IL34: variants seen among roughly 807,000 people sequenced by gnomAD.
IL34 encodes interleukin-34.
IL34 carries 17 observed loss-of-function variants against 25.3 expected under a neutral mutation model. The observed-to-expected ratio is 0.67, with a 90% CI of 0.46 to 1.01. IL34 has a LOEUF of 1.01. Ranked by LOEUF, IL34 falls within the 50% of genes least tolerant of loss-of-function variation. The pLI is 0.00. For missense variants in IL34, 368 were observed against 312.9 expected, an observed-to-expected ratio of 1.18 and a Z score of -1.33; for synonymous variants, 174 against 140.9, an observed-to-expected ratio of 1.23 and a Z score of -1.66.
chr16:70,659,268 T>A (rs1387725724), intron 4 of IL34, among the ~76,000 whole-genome samples: 1 of 152,250 alleles, frequency 6.6e-6, no homozygotes, highest in Non-Finnish European at 1.5e-5. Flanking sequence ...TGTCTGCTTC[T>A]TGAGGGACAG....
At chr16:70,598,164 A>T (rs568657094) in intron 1 of IL34, among the ~76,000 whole-genome samples, 1 of 152,138 alleles carries the variant, frequency 6.6e-6, no homozygotes, top group South Asian at 2.1e-4. Context: ...AGTTCCTTAA[A>T]GGGTCTGAGA....
intron 1 of IL34, among the ~76,000 whole-genome samples, chr16:70,602,641 G>T (rs934363336): frequency 6.6e-6 from 1 of 150,952 alleles, no homozygotes; most frequent in Non-Finnish European, 1.5e-5. Flanking sequence ...TGGGCGAGGG[G>T]TGGTAGCCAT....
At chr16:70,609,117 G>A (rs565258351) in intron 1 of IL34, among the ~76,000 whole-genome samples, 4 of 151,504 alleles carry the variant, frequency 2.6e-5, no homozygotes, top group South Asian at 2.1e-4. Flanking sequence ...TTGCTCCGTC[G>A]CCCAGGCTGA....
At chr16:70,598,002 GTC>G (rs750112162) in intron 1 of IL34, among the ~76,000 whole-genome samples, 3 of 152,138 alleles carry the variant, frequency 2.0e-5, no homozygotes, top group Non-Finnish European at 2.9e-5. Flanking sequence ...CCGCCACCAT[GTC>G]TAGCTAATTT....
intron 1 of IL34, 146 bp downstream of exon 1, chr16:70,647,121 C>T: frequency 5.3e-6 from 4 of 752,376 alleles, no homozygotes; most frequent in Admixed American, 4.3e-5. Context: ...TCTGAGATTC[C>T]CACGGCCGCC....
At chr16:70,624,547 C>T (rs1186275510) in intron 1 of IL34, among the ~76,000 whole-genome samples, 1 of 152,056 alleles carries the variant, frequency 6.6e-6, no homozygotes, top group Non-Finnish European at 1.5e-5. Flanking sequence ...TAAAGCGTCT[C>T]AAGGTTGCAG....
intron 4 of IL34, 70 bp from the exon 5 acceptor site, chr16:70,659,548 A>T: frequency 6.6e-7 from 1 of 1,525,680 alleles, no homozygotes; most frequent in Non-Finnish European, 8.9e-7. Context: ...AGGTGACTGG[A>T]CAGCCCTCAC....
intron 1 of IL34, among the ~76,000 whole-genome samples, chr16:70,595,619 C>T (rs187498176): frequency 1.3e-3 from 196 of 152,156 alleles, no homozygotes; most frequent in African/African-American, 4.6e-3. Flanking sequence ...CGCCAGGGCT[C>T]CTCTCTCATT....
intron 1 of IL34, among the ~76,000 whole-genome samples, chr16:70,613,966 T>G (rs1290051082): frequency 1.3e-5 from 2 of 151,610 alleles, no homozygotes. Flanking sequence ...GGCAGGAGGA[T>G]TGCTTGAGGC....
intron 4 of IL34, 91 bp from the exon 5 acceptor site, chr16:70,659,527 T>C (rs1314893394): frequency 1.1e-5 from 16 of 1,457,280 alleles, no homozygotes; most frequent in African/African-American, 1.4e-5. Flanking sequence ...TTCCGGGGTT[T>C]GGGCAGCTCC....
At chr16:70,648,159 T>G (rs1347930911) in intron 1 of IL34, among the ~76,000 whole-genome samples, 1 of 152,184 alleles carries the variant, frequency 6.6e-6, no homozygotes. Flanking sequence ...GATTGGGAGT[T>G]CCTCTGCTCT....
rs113364530 is a variant in IL34, at chr16:70,659,581, A to G, written c.403-37A>G. 3.1e-5 allele frequency: 49 copies of G among 1,576,064 alleles called. No homozygotes were observed. The African/African-American group carries it at 4.3e-4, about 14-fold the overall frequency. On this transcript the variant is annotated intron_variant, in intron 4 of 5. Transcript: ENST00000288098. ...CACGGCTCTCCTGGGGTGCGGCCCC[A>G]TCTCGCCACCGCTCCTGACTGTTTC...
chr16:70,654,670 T>G lies in IL34; in HGVS notation c.161T>G (p.Met54Arg). The G allele has an allele frequency of 1.2e-6, 2 of 1,602,420 alleles. No individual in the cohort carries two copies. Among genetic ancestry groups the G allele is most frequent in the Non-Finnish European group, 1.7e-6 (2 of 1,170,958 alleles). Residue 54 changes from methionine (M) to arginine (R), a missense_variant and splice_region_variant, in exon 2 of 6, where the codon ATG (methionine) becomes AGG (arginine). Transcript: ENST00000288098. ...CAGTACAGGAGCCGACTTCAGTACA[T>G]GGTAACCACGTGGGCACCAGCTGTG... ...KLQYRSRLQYMKHYFPINYKI... is the reference protein window; with the variant it reads ...KLQYRSRLQYRKHYFPINYKI...
Position 70,650,159 on chromosome 16 carries a change from T to TC in IL34, c.28+3185dup, listed in dbSNP as rs147362506. Among the ~76,000 whole-genome samples the TC allele has an allele frequency of 5.1e-4, 78 of 152,236 alleles. 1 individual carries two copies. The highest frequency in any genetic ancestry group is 3.4e-3 in the Middle Eastern group (1 of 294). ...GGCAGGGTGGGTCTCCTGACCAAGG[T>TC]CAGGGGTGGCACTGGCTGTGGGGTT... On this transcript the variant is annotated intron_variant, in intron 1 of 5. Transcript: ENST00000288098.
rs142390476 is a variant in IL34 at position 70,613,372 on chromosome 16, C to T, written c.-400-33176C>T. On this transcript the variant is annotated intron_variant, in intron 1 of 6. Coordinates refer to the IL34 transcript ENST00000429149. ...CTGGGGACATGGGGTTGGAGCGGGG[C>T]GGTTTCCTGAGGCATGGCGGCCACA... 1.7e-4 allele frequency among the ~76,000 whole-genome samples: 26 copies of T among 152,260 alleles called. No individual in the cohort carries two copies. In the East Asian group the frequency reaches 2.9e-3, roughly 17 times the overall value.
chr16:70,660,032 G>A lies in IL34; in HGVS notation c.574G>A (p.Glu192Lys). 1.2e-6 allele frequency: 2 copies of A among 1,610,378 alleles called. No individual in the cohort carries two copies. Among genetic ancestry groups the A allele is most frequent in the Non-Finnish European group, 1.7e-6 (2 of 1,178,718 alleles). The change falls in exon 6 of 6, where the codon GAG becomes AAG. Residue 192 changes from glutamate to lysine, a missense_variant. Physicochemically the swap from Glu to Lys is moderately conservative, Grantham distance 56. Coordinates refer to ENST00000288098, the MANE Select transcript of IL34 (RefSeq NM_001393494.1). ...QSSVLNWQDC[E>K]VPSPQSCSPE... Reference sequence around the variant, plus strand: ...CTCCGTCCTAAACTGGCAGGACTGTGAGGTGCCAAGTCCTCAGTCTTGCAG... The same window carrying A: ...CTCCGTCCTAAACTGGCAGGACTGTAAGGTGCCAAGTCCTCAGTCTTGCAG...
intron 1 of IL34, among the ~76,000 whole-genome samples, chr16:70,587,084 G>T (rs755401813): frequency 6.6e-6 from 1 of 152,154 alleles, no homozygotes; most frequent in Non-Finnish European, 1.5e-5. Context: ...GGATCCAGGG[G>T]CTGGGGTTAG....
chr16:70,630,152 T>A (rs1567453299), intron 1 of IL34, among the ~76,000 whole-genome samples: 1 of 152,238 alleles, frequency 6.6e-6, no homozygotes, highest in Non-Finnish European at 1.5e-5. Context: ...AATGATGAAC[T>A]CATGTGGTTA....
chr16:70,625,419 C>T (rs537945427), intron 1 of IL34, among the ~76,000 whole-genome samples: 2 of 152,132 alleles, frequency 1.3e-5, no homozygotes, highest in East Asian at 3.9e-4. Context: ...TTCTTGCCCC[C>T]TAGAAAAGCG....
Sources: allele counts gnomAD v4.1 joint callset (sites outside exome capture counted in the v4.1 genomes callset), GRCh38; gene constraint gnomAD v4.1.1; transcripts MANE v1.5; gene names NCBI Gene and HGNC (gene_info 2026-07-23, HGNC 2026-07-21).